REPS2: variants seen among roughly 807,000 people sequenced by gnomAD.
The protein encoded by REPS2 is ralBP1-associated Eps domain-containing protein 2.
In REPS2, 23 loss-of-function variants were observed where a neutral mutation model predicts 53.6. That is an observed-to-expected ratio of 0.43 (90% CI 0.31 to 0.61). REPS2 has a LOEUF of 0.61. Ranked by LOEUF, REPS2 falls within the 20% of genes least tolerant of loss-of-function variation. REPS2 has a pLI of 0.11. For synonymous variants in REPS2, 238 were observed against 218.6 expected (o/e 1.09, Z -0.78); for missense variants, 446 against 534.9 (o/e 0.83, Z 1.64).
chrX:17,122,577 T>C (rs1169561104), intron 14 of REPS2, among the ~76,000 whole-genome samples: 4 of 112,139 alleles, frequency 3.6e-5, no homozygotes, highest in Admixed American at 9.4e-5. Context: ...TAGGTCATGG[T>C]GTAGGCATAT....
chrX:17,160,599 A>C, the REPS2 span, among the ~76,000 whole-genome samples: 1 of 112,488 alleles, frequency 8.9e-6, no homozygotes, highest in Non-Finnish European at 1.9e-5. Context: ...GAAGGCTGTT[A>C]TATCCCCCAA....
At chrX:17,187,942 A>T in the REPS2 span, among the ~76,000 whole-genome samples, 3 of 112,712 alleles carry the variant, frequency 2.7e-5, no homozygotes, top group Non-Finnish European at 5.6e-5. Flanking sequence ...ATATAAAATT[A>T]TATCATTTTG....
At chrX:17,046,342 T>G (rs921867298) in intron 5 of REPS2, among the ~76,000 whole-genome samples, 2 of 109,541 alleles carry the variant, frequency 1.8e-5, no homozygotes, top group Non-Finnish European at 3.8e-5. Context: ...CATGCCTAGC[T>G]AATTTTTGTA....
the REPS2 span, among the ~76,000 whole-genome samples, chrX:17,182,325 G>A: frequency 2.0e-4 from 22 of 111,348 alleles, no homozygotes; most frequent in South Asian, 3.8e-4. Flanking sequence ...GATGCCTGCG[G>A]AGCCCCAGTT....
At chrX:17,133,723 A>G in intron 14 of REPS2, 101 bp from the exon 15 acceptor site, 1 of 748,549 alleles carries the variant, frequency 1.3e-6, no homozygotes. Context: ...CTTGGCCTAA[A>G]TCAGTTTTCC....
At chrX:17,113,114 AAAG>A (rs1330145278) in intron 14 of REPS2, among the ~76,000 whole-genome samples, 2 of 92,765 alleles carry the variant, frequency 2.2e-5, no homozygotes, top group Non-Finnish European at 4.2e-5. Context: ...AAAAAAAAAA[AAAG>A]AAACTGGAAG....
At chrX:17,050,054 G>A (rs1189381586) in intron 6 of REPS2, among the ~76,000 whole-genome samples, 1 of 105,887 alleles carries the variant, frequency 9.4e-6, no homozygotes, top group Non-Finnish European at 1.9e-5. Context: ...CATGGTAAGG[G>A]ACCTACAAAG....
intron 8 of REPS2, 88 bp from the exon 9 acceptor site, chrX:17,062,350 A>G (rs1303694348): frequency 4.4e-6 from 3 of 674,765 alleles, no homozygotes; most frequent in Middle Eastern, 3.9e-4. Flanking sequence ...TTGTTGTTAT[A>G]TTTAACAAGC....
the REPS2 span, among the ~76,000 whole-genome samples, chrX:17,159,553 C>G: frequency 9.0e-6 from 1 of 111,410 alleles, no homozygotes; most frequent in East Asian, 2.8e-4. Context: ...AATCCTGTCT[C>G]TATTCCTTAA....
the REPS2 span, among the ~76,000 whole-genome samples, chrX:17,159,843 C>A: frequency 1.8e-5 from 2 of 111,973 alleles, no homozygotes; most frequent in Non-Finnish European, 3.8e-5. Context: ...GCCAAATTGA[C>A]CCTCCTCCTT....
At chrX:17,157,582 C>G (rs2063623843), downstream of REPS2, among the ~76,000 whole-genome samples, 2 of 111,903 alleles carry the variant, frequency 1.8e-5, no homozygotes, top group South Asian at 7.5e-4. Flanking sequence ...CTACTGGCAT[C>G]TAGTGGGTGG....
At chrX:17,183,039 G>A in the REPS2 span, among the ~76,000 whole-genome samples, 1 of 112,427 alleles carries the variant, frequency 8.9e-6, no homozygotes, top group Non-Finnish European at 1.9e-5. Flanking sequence ...AACATTTTAA[G>A]CAAGTGGTTT....
chrX:17,015,369 G>A (rs981436328), intron 2 of REPS2, among the ~76,000 whole-genome samples: 1 of 111,502 alleles, frequency 9.0e-6, no homozygotes. Context: ...TGTAAGACAA[G>A]GGTCAACAAC....
chrX:17,158,304 C>T, the REPS2 span, among the ~76,000 whole-genome samples: 1 of 111,486 alleles, frequency 9.0e-6, no homozygotes, highest in Middle Eastern at 4.6e-3. Flanking sequence ...CATAGCCGCA[C>T]ATATATGATC....
chrX:16,962,299 ACACAC>A (rs2060674376), intron 1 of REPS2, among the ~76,000 whole-genome samples: 1 of 109,283 alleles, frequency 9.2e-6, no homozygotes, highest in Non-Finnish European at 1.9e-5. Flanking sequence ...ACACACACAC[ACACAC>A]ACACACACAC....
intron 14 of REPS2, among the ~76,000 whole-genome samples, chrX:17,125,211 A>T (rs2063193156): frequency 9.0e-6 from 1 of 111,189 alleles, no homozygotes; most frequent in East Asian, 2.8e-4. Flanking sequence ...ACTTTTAAAC[A>T]AAATCTTACT....
At chrX:17,089,516 C>T (rs2062587596) in intron 13 of REPS2, among the ~76,000 whole-genome samples, 1 of 112,012 alleles carries the variant, frequency 8.9e-6, no homozygotes, top group Non-Finnish European at 1.9e-5. Context: ...TCCAATAATA[C>T]TGCACATACC....
intron 14 of REPS2, among the ~76,000 whole-genome samples, chrX:17,130,152 G>A (rs964728906): frequency 8.9e-6 from 1 of 111,791 alleles, no homozygotes; most frequent in Non-Finnish European, 1.9e-5. Flanking sequence ...CTGACTTTTG[G>A]CTCATAGAGC....
rs1216535249 is a variant in REPS2, at chrX:17,093,069, A to T, written c.1517-10649A>T. On this transcript the variant is annotated intron_variant, in intron 13 of 17. Transcript: ENST00000357277. ...GAATTGATAGAATGTAGCTAGATTA[A>T]TATCTCCCACCATTAAAGGAAAGGA... Among the ~76,000 whole-genome samples the T allele has an allele frequency of 3.9e-5, 4 of 101,602 alleles. No homozygotes were observed. The Admixed American group carries it at 4.3e-4, about 11-fold the overall frequency. The allele number at this position is 101,602 out of a possible 115,157, so 88.2% of individuals were successfully genotyped here.
Sources: allele counts gnomAD v4.1 joint callset (sites outside exome capture counted in the v4.1 genomes callset), GRCh38; gene constraint gnomAD v4.1.1; transcripts MANE v1.5; gene names NCBI Gene and HGNC (gene_info 2026-07-23, HGNC 2026-07-21).